MDGA2: variants seen among roughly 807,000 people sequenced by gnomAD.
MDGA2 encodes MAM domain containing glycosylphosphatidylinositol anchor 2, also known as MAM domain-containing glycosylphosphatidylinositol anchor protein 2.
MDGA2 carries 40 observed loss-of-function variants against 117.8 expected under a neutral mutation model. That is an observed-to-expected ratio of 0.34 (90% CI 0.26 to 0.44). MDGA2 has a LOEUF of 0.44. Ranked by LOEUF, MDGA2 falls within the 20% of genes least tolerant of loss-of-function variation. The pLI, the probability that MDGA2 is intolerant of heterozygous loss-of-function variation, is 1.00. For synonymous variants in MDGA2, 452 were observed against 439.0 expected (o/e 1.03, Z -0.37); for missense variants, 1,123 against 1,250.6 (o/e 0.90, Z 1.54).
At chr14:47,159,490 C>T (rs1883543461) in intron 3 of MDGA2, among the ~76,000 whole-genome samples, 1 of 152,172 alleles carries the variant, frequency 6.6e-6, no homozygotes, top group African/African-American at 2.4e-5. Flanking sequence ...ATTAATTGTC[C>T]TTAAATTCTT....
At chr14:47,266,415 C>T (rs1190676764) in intron 2 of MDGA2, among the ~76,000 whole-genome samples, 2 of 152,200 alleles carry the variant, frequency 1.3e-5, no homozygotes, top group African/African-American at 4.8e-5. Flanking sequence ...AGGCCACTGT[C>T]ATATCTGACC....
intron 1 of MDGA2, among the ~76,000 whole-genome samples, chr14:47,427,363 A>G (rs901316170): frequency 6.6e-6 from 1 of 152,132 alleles, no homozygotes; most frequent in Non-Finnish European, 1.5e-5. Context: ...GTGTCAGGTA[A>G]AACAGAGGGA....
intron 2 of MDGA2, among the ~76,000 whole-genome samples, chr14:47,291,906 A>G (rs1189034932): frequency 6.6e-6 from 1 of 152,208 alleles, no homozygotes; most frequent in Admixed American, 6.5e-5. Context: ...GTTAGCCCTG[A>G]TCTAGGGCAG....
intron 7 of MDGA2, among the ~76,000 whole-genome samples, chr14:47,036,359 T>C (rs563429399): frequency 5.9e-5 from 9 of 152,196 alleles, no homozygotes; most frequent in African/African-American, 1.9e-4. Context: ...AGAAGTTAGA[T>C]TGATTTTACT....
At chr14:46,871,216 A>G (rs1005508735) in intron 14 of MDGA2, 7 of 151,750 alleles carry the variant, frequency 4.6e-5, no homozygotes, top group African/African-American at 1.7e-4. Flanking sequence ...GAATGATTTT[A>G]CCTATTTTTA....
chr14:47,301,293 ACCC>A, intron 2 of MDGA2, 115 bp downstream of exon 2: 1 of 789,340 alleles, frequency 1.3e-6, no homozygotes, highest in Non-Finnish European at 1.8e-6. Context: ...ACCCACACCC[ACCC>A]ACACACACAC....
chr14:47,478,089 A>G (rs1340650861), intron 1 of MDGA2, among the ~76,000 whole-genome samples: 6 of 152,200 alleles, frequency 3.9e-5, no homozygotes, highest in Non-Finnish European at 7.4e-5. Flanking sequence ...CTTGTATTCT[A>G]GTTCACAATG....
At chr14:47,198,178 C>A (rs996284850) in intron 3 of MDGA2, among the ~76,000 whole-genome samples, 4 of 152,134 alleles carry the variant, frequency 2.6e-5, no homozygotes, top group African/African-American at 9.7e-5. Context: ...GTGACCTAGT[C>A]AAAACAAACT....
rs189165782 is a variant in MDGA2 at position 47,174,394 on chromosome 14, G to T, written c.596-30120C>A. Among the ~76,000 whole-genome samples, 133 of 152,158 alleles carry T rather than the reference G, an allele frequency of 8.7e-4. 1 individual carries two copies. The highest frequency in any genetic ancestry group is 1.0e-3 in the Non-Finnish European group (71 of 68,016). On this transcript the variant is annotated intron_variant, in intron 3 of 16. Transcript: ENST00000399232. ...CTATTCCAAAATTGACCACATAGTT[G>T]GAAGTAAAGATCTCCCCAGCAAATC... is the stretch of plus-strand genomic sequence containing the variant.
At chr14:47,268,649 T>G (rs927886813) in intron 2 of MDGA2, among the ~76,000 whole-genome samples, 17 of 152,288 alleles carry the variant, frequency 1.1e-4, no homozygotes, top group African/African-American at 3.8e-4. Flanking sequence ...GATGCAATTC[T>G]GATCTCTTTG....
intron 1 of MDGA2, among the ~76,000 whole-genome samples, chr14:47,495,703 C>G (rs1264534567): frequency 6.6e-6 from 1 of 152,158 alleles, no homozygotes; most frequent in Non-Finnish European, 1.5e-5. Context: ...ATGTCTAATG[C>G]TGTTGAATAA....
At chr14:47,556,461 T>C (rs550983619) in intron 1 of MDGA2, among the ~76,000 whole-genome samples, 13 of 152,322 alleles carry the variant, frequency 8.5e-5, no homozygotes, top group Admixed American at 2.0e-4. Context: ...CTATGTATTT[T>C]CCAAGGTTGC....
chr14:47,260,354 G>GA (rs1887755193), intron 2 of MDGA2, among the ~76,000 whole-genome samples: 1 of 151,926 alleles, frequency 6.6e-6, no homozygotes, highest in Non-Finnish European at 1.5e-5. Flanking sequence ...ATATTTTGGG[G>GA]AAAAAAGGTG....
At chr14:46,962,041 T>A (rs560743776) in intron 8 of MDGA2, among the ~76,000 whole-genome samples, 1 of 152,340 alleles carries the variant, frequency 6.6e-6, no homozygotes, top group African/African-American at 2.4e-5. Context: ...TTTGATCAAT[T>A]TGATTCTATG....
intron 1 of MDGA2, among the ~76,000 whole-genome samples, chr14:47,481,741 T>C (rs182257702): frequency 1.3e-5 from 2 of 152,156 alleles, no homozygotes; most frequent in East Asian, 3.9e-4. Flanking sequence ...AAATGATTTA[T>C]ATTTGACTTG....
At chr14:46,986,863 A>G (rs1195834335) in intron 8 of MDGA2, among the ~76,000 whole-genome samples, 3 of 152,128 alleles carry the variant, frequency 2.0e-5, no homozygotes, top group African/African-American at 7.2e-5. Context: ...AATTACTTAG[A>G]AAGCTTGGTT....
intron 2 of MDGA2, among the ~76,000 whole-genome samples, chr14:47,240,003 C>T (rs1165818940): frequency 6.6e-6 from 1 of 151,664 alleles, no homozygotes; most frequent in African/African-American, 2.4e-5. Context: ...AGTGATTTCA[C>T]CAAAAATAAT....
At chr14:46,971,520 GATAGAGT>G (rs1390840644) in intron 8 of MDGA2, among the ~76,000 whole-genome samples, 1 of 152,022 alleles carries the variant, frequency 6.6e-6, no homozygotes, top group African/African-American at 2.4e-5. Flanking sequence ...ATCTTATGGA[GATAGAGT>G]ATAGATAGAT....
chr14:47,020,987 T>C (rs1888265800), intron 8 of MDGA2, among the ~76,000 whole-genome samples: 1 of 152,168 alleles, frequency 6.6e-6, no homozygotes, highest in South Asian at 2.1e-4. Context: ...GAGAGAAATA[T>C]GAATTTCCAG....
Sources: gnomAD v4.1 joint callset for allele counts (sites outside exome capture counted in the v4.1 genomes callset) on GRCh38, gnomAD v4.1.1 for gene constraint, MANE v1.5 for transcripts, NCBI Gene and HGNC (gene_info 2026-07-23, HGNC 2026-07-21) for gene names.